Variants in WDR41 observed in about 807,000 individuals in gnomAD.
WDR41 encodes the protein WD repeat-containing protein 41.
A neutral mutation model predicts 69.3 loss-of-function variants in WDR41; 63 were observed. The ratio of observed to expected loss-of-function variants is 0.91; its 90% CI spans 0.74 to 1.12. The LOEUF is 1.12. WDR41 is among the 50% of genes most tolerant of loss of function. WDR41 has a pLI of 0.00. For synonymous variants in WDR41, 185 were observed against 192.1 expected, an observed-to-expected ratio of 0.96 and a Z score of 0.31; for missense variants, 543 against 534.5, an observed-to-expected ratio of 1.02 and a Z score of -0.16.
chr5:77,459,762 T>C (rs1392033684), intron 4 of WDR41, among the ~76,000 whole-genome samples: 2 of 152,200 alleles, frequency 1.3e-5, no homozygotes, highest in Non-Finnish European at 2.9e-5. Context: ...CGTATACAAA[T>C]GTATATGCAT....
At chr5:77,609,033 C>T (rs1304066106) in intron 1 of WDR41, among the ~76,000 whole-genome samples, 1 of 152,162 alleles carries the variant, frequency 6.6e-6, no homozygotes, top group East Asian at 1.9e-4. Context: ...GTCCTATGCC[C>T]ACGGAGTCTC....
At chr5:77,509,429 A>T (rs1802164726) in intron 1 of WDR41, among the ~76,000 whole-genome samples, 1 of 152,248 alleles carries the variant, frequency 6.6e-6, no homozygotes, top group Non-Finnish European at 1.5e-5. Context: ...GTATGTTTAT[A>T]GCAGCACTAT....
Position 77,453,830 on chromosome 5 carries a change from G to T in WDR41, c.510C>A (p.His170Gln). The change falls in exon 6 of 13, where the codon CAC (histidine) becomes CAA (glutamine). Residue 170 changes from histidine (H) to glutamine (Q), a missense_variant. By Grantham distance (24) the His-to-Gln change is conservative (BLOSUM62 0). Coordinates refer to ENST00000296679, the MANE Select transcript of WDR41 (RefSeq NM_018268.4). Reference sequence around the variant, plus strand: ...GATGTTTTTTACCTGTATCAGAAAGGTGGCTAGTCTTACACAGGAGATCTA... The same window carrying T: ...GATGTTTTTTACCTGTATCAGAAAGTTGGCTAGTCTTACACAGGAGATCTA... ...RKLDLLCKTS[H>Q]LSDTGISALV... 8 of 1,613,712 alleles carry T rather than the reference G, an allele frequency of 5.0e-6. No individual in the cohort carries two copies. The highest frequency in any genetic ancestry group is 1.3e-5 in the African/African-American group (1 of 75,002).
chr5:77,504,527 G>A (rs907978256), intron 1 of WDR41, among the ~76,000 whole-genome samples: 3 of 152,172 alleles, frequency 2.0e-5, no homozygotes, highest in African/African-American at 4.8e-5. Flanking sequence ...CATTTTAGGA[G>A]GCCAGCATCA....
intron 2 of WDR41, among the ~76,000 whole-genome samples, chr5:77,476,708 G>A (rs7735450): frequency 0.15 from 22,029 of 150,562 alleles, 2,343 homozygotes; most frequent in African/African-American, 0.28. Context: ...AGTACCAGCT[G>A]CTGCAAAATC....
chr5:77,614,155 G>C (rs1431743819), intron 1 of WDR41, among the ~76,000 whole-genome samples: 2 of 151,010 alleles, frequency 1.3e-5, no homozygotes, highest in Non-Finnish European at 3.0e-5. Flanking sequence ...AACAGGTGCT[G>C]GAGAGGATGT....
intron 1 of WDR41, among the ~76,000 whole-genome samples, chr5:77,533,804 A>G (rs1029222778): frequency 5.9e-5 from 9 of 151,984 alleles, no homozygotes; most frequent in Non-Finnish European, 1.3e-4. Flanking sequence ...ATATCCTTAA[A>G]CCTTATCAGA....
intron 1 of WDR41, among the ~76,000 whole-genome samples, chr5:77,572,142 C>G (rs1580016010): frequency 6.6e-6 from 1 of 152,294 alleles, no homozygotes; most frequent in South Asian, 2.1e-4. Context: ...TTTATAAAAG[C>G]TATCTTAGTA....
intron 1 of WDR41, among the ~76,000 whole-genome samples, chr5:77,588,836 G>A (rs34237622): frequency 0.11 from 17,129 of 152,148 alleles, 1,192 homozygotes; most frequent in South Asian, 0.16. Context: ...TTAACAATAA[G>A]CTCATCGCTA....
At chr5:77,538,788 C>G (rs1006948798) in intron 1 of WDR41, among the ~76,000 whole-genome samples, 2 of 152,060 alleles carry the variant, frequency 1.3e-5, no homozygotes, top group Non-Finnish European at 2.9e-5. Flanking sequence ...ACTATGTGCC[C>G]GTAATGAAAT....
chr5:77,530,086 T>A (rs1167920780), intron 1 of WDR41, among the ~76,000 whole-genome samples: 1 of 151,566 alleles, frequency 6.6e-6, no homozygotes, highest in African/African-American at 2.4e-5. Context: ...ATGCTCAACA[T>A]CATTAGTCAT....
At chr5:77,566,169 A>G (rs927800697) in intron 1 of WDR41, among the ~76,000 whole-genome samples, 8 of 152,166 alleles carry the variant, frequency 5.3e-5, no homozygotes, top group Non-Finnish European at 1.0e-4. Flanking sequence ...AAACCTGGGC[A>G]GTCTTTCCAA....
chr5:77,544,637 T>C (rs1452962573), intron 1 of WDR41, among the ~76,000 whole-genome samples: 2 of 152,026 alleles, frequency 1.3e-5, no homozygotes, highest in African/African-American at 4.8e-5. Context: ...TAAATATATA[T>C]GAACCTAACA....
intron 1 of WDR41, among the ~76,000 whole-genome samples, chr5:77,583,989 T>G (rs1353492516): frequency 6.6e-6 from 1 of 152,160 alleles, no homozygotes; most frequent in Non-Finnish European, 1.5e-5. Flanking sequence ...AATAAAAAAC[T>G]ACATAATCAT....
intron 1 of WDR41, chr5:77,545,510 G>A (rs1001032268): frequency 7.7e-5 from 18 of 234,618 alleles, no homozygotes; most frequent in Middle Eastern, 1.5e-3. Flanking sequence ...GGCCAGGGTC[G>A]CAGCCACGGA....
At chr5:77,470,592 A>T (rs576961390) in intron 2 of WDR41, among the ~76,000 whole-genome samples, 1 of 152,308 alleles carries the variant, frequency 6.6e-6, no homozygotes, top group South Asian at 2.1e-4. Flanking sequence ...AGATCTACCA[A>T]GCAAATGGAA....
intron 2 of WDR41, among the ~76,000 whole-genome samples, chr5:77,474,426 TAAAGTATA>T (rs1800789739): frequency 6.7e-6 from 1 of 150,052 alleles, no homozygotes; most frequent in African/African-American, 2.5e-5. Flanking sequence ...CCCTAAAACT[TAAAGTATA>T]ACAACAAAAA....
chr5:77,489,542 G>C lies in WDR41; in HGVS notation c.82C>G (p.Gln28Glu), dbSNP rs746841921. 1.3e-6 allele frequency: 2 copies of C among 1,588,894 alleles called. No individual in the cohort carries two copies. The highest frequency in any genetic ancestry group is 1.7e-6 in the Non-Finnish European group (2 of 1,167,734). The change falls in exon 2 of 13, where the codon CAA becomes GAA. Residue 28 changes from glutamine to glutamate, a missense_variant. Coordinates refer to ENST00000296679, the MANE Select transcript of WDR41 (RefSeq NM_018268.4). ...AGTTCAGTGTAGGGATTCTGGGTTTGTTCTTCACCTATTGTCTGTAAAGGA... is the reference window on the plus strand; with the variant it reads ...AGTTCAGTGTAGGGATTCTGGGTTTCTTCTTCACCTATTGTCTGTAAAGGA... ...KSPLQTIGEE[Q>E]TQNPYTELLV...
chr5:77,555,630 A>G (rs1300667013), intron 1 of WDR41, among the ~76,000 whole-genome samples: 8 of 152,192 alleles, frequency 5.3e-5, no homozygotes, highest in African/African-American at 1.9e-4. Flanking sequence ...TTTAAAAAAG[A>G]CATTAATTAC....
Sources: allele counts gnomAD v4.1 joint callset (sites outside exome capture counted in the v4.1 genomes callset), GRCh38; gene constraint gnomAD v4.1.1; transcripts MANE v1.5; gene names NCBI Gene and HGNC (gene_info 2026-07-23, HGNC 2026-07-21).